Variants in EDN1 observed in about 807,000 individuals in gnomAD.
The protein encoded by EDN1 is endothelin 1.
A neutral mutation model predicts 21.7 loss-of-function variants in EDN1; 11 were observed. That is an observed-to-expected ratio of 0.51 (90% CI 0.32 to 0.84). EDN1 has a LOEUF of 0.84. Among genes scored for constraint, EDN1 ranks in the 40% least tolerant of loss-of-function variants. The probability of loss-of-function intolerance (pLI) is 0.03; values close to 1 mark genes in which losing one functional copy is unlikely to be tolerated. For missense variants in EDN1, 244 were observed against 262.3 expected, an observed-to-expected ratio of 0.93 and a Z score of 0.48; for synonymous variants, 85 against 90.6, an observed-to-expected ratio of 0.94 and a Z score of 0.35.
At position 12,296,116 on chromosome 6, in the gene EDN1, T is replaced by G. The variant is rs1439982496; in HGVS notation, c.*49T>G. On this transcript the variant is annotated 3_prime_UTR_variant, in exon 5 of 5. Coordinates refer to ENST00000379375, the MANE Select transcript of EDN1 (RefSeq NM_001955.5). ...GCCATAGCCTCCACGGAGAGCCCTG[T>G]GGCCGACTCTGCACTCTCCACCCTG... 1 of 1,521,938 alleles carries G rather than the reference T, an allele frequency of 6.6e-7. No homozygotes were observed. Among genetic ancestry groups the G allele is most frequent in the Admixed American group, 1.7e-5 (1 of 59,826 alleles). The allele number at this position is 1,521,938 out of a possible 1,614,324, so 94.3% of individuals were successfully genotyped here. A position where few individuals can be genotyped will look rare whatever the true frequency, so the allele number is the denominator to read the frequency against.
chr6:12,232,180 ATAT>A, the EDN1 span, among the ~76,000 whole-genome samples: 1 of 77,248 alleles, frequency 1.3e-5, no homozygotes, highest in African/African-American at 3.3e-5. Context: ...AATAAAGTGT[ATAT>A]TATATTATAT....
the EDN1 span, among the ~76,000 whole-genome samples, chr6:12,255,177 G>A: frequency 2.0e-5 from 3 of 152,246 alleles, no homozygotes; most frequent in South Asian, 2.1e-4. Context: ...GAATTGAATA[G>A]TAATCTTATT....
At chr6:12,259,580 G>C in the EDN1 span, among the ~76,000 whole-genome samples, 1 of 151,810 alleles carries the variant, frequency 6.6e-6, no homozygotes, top group Non-Finnish European at 1.5e-5. Flanking sequence ...AGAGAAATAA[G>C]TGGGTAAAAG....
chr6:12,288,047 T>A (rs1324268250), upstream of EDN1, among the ~76,000 whole-genome samples: 1 of 151,986 alleles, frequency 6.6e-6, no homozygotes, highest in Non-Finnish European at 1.5e-5. Context: ...TGGGCGTTGC[T>A]GGAACCTGCA....
At chr6:12,261,008 C>G in the EDN1 span, among the ~76,000 whole-genome samples, 1 of 152,190 alleles carries the variant, frequency 6.6e-6, no homozygotes, top group Admixed American at 6.5e-5. Context: ...GACTTTGACC[C>G]TACTTTTCAC....
At chr6:12,245,342 T>A in the EDN1 span, among the ~76,000 whole-genome samples, 1 of 152,238 alleles carries the variant, frequency 6.6e-6, no homozygotes, top group African/African-American at 2.4e-5. Flanking sequence ...GTAGCTCTCC[T>A]GATGAATATT....
chr6:12,294,010 G>A lies in EDN1; in HGVS notation c.303G>A (p.Lys101=), dbSNP rs781134655. The change falls in exon 3 of 5, where the codon AAG becomes AAA. Residue 101 remains lysine, a synonymous_variant. Coordinates refer to ENST00000379375, the MANE Select transcript of EDN1 (RefSeq NM_001955.5). ...KRALENLLPT[K]ATDRENRCQC... Reference sequence around the variant, plus strand: ...CCTTGGAGAATTTACTTCCCACAAAGGCAACAGACCGTGAAAATAGATGCC... The same window carrying A: ...CCTTGGAGAATTTACTTCCCACAAAAGCAACAGACCGTGAAAATAGATGCC... 1 of 1,614,186 alleles carries A rather than the reference G, an allele frequency of 6.2e-7. No homozygotes were observed. Among genetic ancestry groups the A allele is most frequent in the Admixed American group, 1.7e-5 (1 of 60,024 alleles).
At chr6:12,249,591 AG>A in the EDN1 span, among the ~76,000 whole-genome samples, 5 of 151,586 alleles carry the variant, frequency 3.3e-5, no homozygotes, top group African/African-American at 1.2e-4. Context: ...ATCTGAGCCC[AG>A]CAACACAGCT....
chr6:12,258,590 C>A, the EDN1 span, among the ~76,000 whole-genome samples: 2 of 151,790 alleles, frequency 1.3e-5, no homozygotes, highest in Non-Finnish European at 2.9e-5. Flanking sequence ...GGTGAAAATC[C>A]AAAGCGTGAT....
chr6:12,232,139 TAATA>T, the EDN1 span, among the ~76,000 whole-genome samples: 15 of 136,576 alleles, frequency 1.1e-4, no homozygotes, highest in East Asian at 2.1e-4. Flanking sequence ...TAATATAATA[TAATA>T]AAGTGTTTAT....
At chr6:12,280,895 A>AAAAC in the EDN1 span, among the ~76,000 whole-genome samples, 105 of 152,360 alleles carry the variant, frequency 6.9e-4, 1 homozygote, top group African/African-American at 1.5e-3. Flanking sequence ...TCCATCTCAA[A>AAAAC]AAACAAACAA....
At chr6:12,267,903 TC>T in the EDN1 span, among the ~76,000 whole-genome samples, 1 of 152,194 alleles carries the variant, frequency 6.6e-6, no homozygotes, top group Non-Finnish European at 1.5e-5. Context: ...TATTTACCAT[TC>T]CAAAAATCCT....
At chr6:12,286,694 T>C (rs1190088771), upstream of EDN1, among the ~76,000 whole-genome samples, 1 of 152,244 alleles carries the variant, frequency 6.6e-6, no homozygotes, top group Non-Finnish European at 1.5e-5. Context: ...AATTTGCTAC[T>C]GTGTAGTATC....
the EDN1 span, among the ~76,000 whole-genome samples, chr6:12,258,500 A>C: frequency 6.6e-6 from 1 of 150,856 alleles, no homozygotes; most frequent in Non-Finnish European, 1.5e-5. Flanking sequence ...CAACATTTCT[A>C]GATCAAAGGT....
the EDN1 span, among the ~76,000 whole-genome samples, chr6:12,252,524 A>T: frequency 6.6e-6 from 1 of 152,196 alleles, no homozygotes; most frequent in African/African-American, 2.4e-5. Context: ...AGATATTGAA[A>T]GAAGGGTTCA....
At chr6:12,283,834 T>C in the EDN1 span, among the ~76,000 whole-genome samples, 1 of 152,254 alleles carries the variant, frequency 6.6e-6, no homozygotes, top group Non-Finnish European at 1.5e-5. Flanking sequence ...TAAAATTCTC[T>C]GGCCCTTCTT....
Position 12,294,265 on chromosome 6 carries a change from G to A in EDN1, c.394G>A (p.Glu132Lys). Reference sequence around the variant, plus strand: ...TTTCCTTGTGTATTTTAACAGGGCTGAAGACATTATGGAGAAAGACTGGAA... The same window carrying A: ...TTTCCTTGTGTATTTTAACAGGGCTAAAGACATTATGGAGAAAGACTGGAA... Reference protein sequence around the residue: ...FCQAGKELRAEDIMEKDWNNH... With the variant: ...FCQAGKELRAKDIMEKDWNNH... Residue 132 changes from glutamate to lysine, a missense_variant, in exon 4 of 5, where the codon GAA (glutamate) becomes AAA (lysine). By Grantham distance (56) the Glu-to-Lys change is moderately conservative (BLOSUM62 1). Transcript: ENST00000379375. 6.2e-7 allele frequency: 1 copy of A among 1,614,176 alleles called. No individual in the cohort carries two copies.
chr6:12,293,344 C>T (rs1358868837), intron 2 of EDN1, among the ~76,000 whole-genome samples: 10 of 152,164 alleles, frequency 6.6e-5, no homozygotes, highest in Non-Finnish European at 1.5e-5. Context: ...AAAATGGACA[C>T]ATTGGAAATT....
At chr6:12,232,672 A>C in the EDN1 span, among the ~76,000 whole-genome samples, 3 of 152,220 alleles carry the variant, frequency 2.0e-5, no homozygotes, top group Non-Finnish European at 4.4e-5. Context: ...GCATCTATTA[A>C]AATAAAGTTG....
Sources: gnomAD v4.1 joint callset for allele counts (sites outside exome capture counted in the v4.1 genomes callset) on GRCh38, gnomAD v4.1.1 for gene constraint, MANE v1.5 for transcripts, NCBI Gene and HGNC (gene_info 2026-07-23, HGNC 2026-07-21) for gene names.